The following CNTNAP5 variants were observed in gnomAD, a reference collection of about 807,000 sequenced individuals.
CNTNAP5 encodes the protein contactin-associated protein-like 5.
Under a neutral mutation model 150.2 loss-of-function variants are expected in CNTNAP5, and 72 were observed. That is an observed-to-expected ratio of 0.48 (90% CI 0.40 to 0.58). The LOEUF (loss-of-function observed/expected upper bound fraction) is 0.58, where lower values mean the gene tolerates loss of function less well. CNTNAP5 is among the 20% of genes least tolerant of loss of function. The probability of loss-of-function intolerance (pLI) is 0.00; values close to 1 mark genes in which losing one functional copy is unlikely to be tolerated. For missense variants in CNTNAP5, 1,636 were observed against 1,626.2 expected, an observed-to-expected ratio of 1.01 and a Z score of -0.10; for synonymous variants, 672 against 619.8, an observed-to-expected ratio of 1.08 and a Z score of -1.25.
At chr2:124,822,768 T>A (rs556337043) in intron 19 of CNTNAP5, among the ~76,000 whole-genome samples, 11 of 152,202 alleles carry the variant, frequency 7.2e-5, no homozygotes, top group African/African-American at 2.7e-4. Context: ...TTGGCTTGCA[T>A]GGAAAACTTT....
intron 1 of CNTNAP5, among the ~76,000 whole-genome samples, chr2:124,127,861 AGAAAGCT>A (rs1430987623): frequency 6.6e-6 from 1 of 152,228 alleles, no homozygotes; most frequent in Non-Finnish European, 1.5e-5. Flanking sequence ...AGCCATATGT[AGAAAGCT>A]GAAACTGGAT....
At chr2:124,261,933 G>A (rs1299091482) in intron 3 of CNTNAP5, among the ~76,000 whole-genome samples, 1 of 152,138 alleles carries the variant, frequency 6.6e-6, no homozygotes, top group Non-Finnish European at 1.5e-5. Context: ...GATGATTGTA[G>A]CTACTTATTA....
intron 1 of CNTNAP5, among the ~76,000 whole-genome samples, chr2:124,067,896 TAAC>T (rs2104660602): frequency 6.6e-6 from 1 of 152,292 alleles, no homozygotes; most frequent in South Asian, 2.1e-4. Context: ...TTAATTGAAA[TAAC>T]AGTATTACAT....
At chr2:124,143,866 A>G (rs1360648390) in intron 1 of CNTNAP5, among the ~76,000 whole-genome samples, 1 of 57,144 alleles carries the variant, frequency 1.7e-5, no homozygotes, top group East Asian at 7.2e-4. Context: ...CTGTTTGCAG[A>G]TGACATGATT....
intron 13 of CNTNAP5, among the ~76,000 whole-genome samples, chr2:124,727,828 G>T (rs1337937475): frequency 6.6e-6 from 1 of 151,816 alleles, no homozygotes; most frequent in Non-Finnish European, 1.5e-5. Flanking sequence ...CTCTGGCCAG[G>T]ACTTTAAGTA....
intron 19 of CNTNAP5, 43 bp downstream of exon 19, chr2:124,798,363 C>A: frequency 7.0e-7 from 1 of 1,421,428 alleles, no homozygotes; most frequent in South Asian, 1.2e-5. Flanking sequence ...TCAGCCTGGG[C>A]TGGAGGGACG....
At chr2:124,639,226 GT>G (rs1399780469) in intron 12 of CNTNAP5, among the ~76,000 whole-genome samples, 1 of 152,192 alleles carries the variant, frequency 6.6e-6, no homozygotes, top group Non-Finnish European at 1.5e-5. Context: ...GTAATACCAT[GT>G]AAATGCGACG....
chr2:124,650,790 G>A (rs1290266179), intron 13 of CNTNAP5, among the ~76,000 whole-genome samples: 4 of 152,082 alleles, frequency 2.6e-5, no homozygotes, highest in Non-Finnish European at 4.4e-5. Context: ...TAACTATAGA[G>A]TATTTTATTA....
intron 12 of CNTNAP5, among the ~76,000 whole-genome samples, chr2:124,618,861 G>A (rs747945367): frequency 1.3e-5 from 2 of 152,112 alleles, no homozygotes; most frequent in African/African-American, 2.4e-5. Context: ...TAAATGAAGC[G>A]TAGACTTGTT....
intron 4 of CNTNAP5, among the ~76,000 whole-genome samples, chr2:124,426,738 C>T (rs1692246958): frequency 6.6e-6 from 1 of 152,176 alleles, no homozygotes; most frequent in Admixed American, 6.5e-5. Flanking sequence ...TGTTGACAAG[C>T]TACCAACATC....
intron 11 of CNTNAP5, among the ~76,000 whole-genome samples, chr2:124,602,350 A>AC (rs1697006073): frequency 6.6e-6 from 1 of 151,492 alleles, no homozygotes; most frequent in Non-Finnish European, 1.5e-5. Context: ...AAAAAAAAAA[A>AC]AAAAAAAAAA....
At chr2:124,233,358 A>T (rs1456179361) in intron 2 of CNTNAP5, among the ~76,000 whole-genome samples, 3 of 152,108 alleles carry the variant, frequency 2.0e-5, no homozygotes, top group African/African-American at 7.2e-5. Context: ...ACACCAACCT[A>T]CTAAATTAGA....
At chr2:124,353,331 A>G (rs1426129074) in intron 3 of CNTNAP5, among the ~76,000 whole-genome samples, 1 of 151,310 alleles carries the variant, frequency 6.6e-6, no homozygotes, top group Non-Finnish European at 1.5e-5. Context: ...TTACAGCACC[A>G]TAAGAAGAGA....
At chr2:124,150,002 G>A (rs1302369632) in intron 1 of CNTNAP5, among the ~76,000 whole-genome samples, 1 of 152,096 alleles carries the variant, frequency 6.6e-6, no homozygotes, top group East Asian at 1.9e-4. Context: ...TCTGTCTCTT[G>A]TACCCTCTCT....
intron 12 of CNTNAP5, among the ~76,000 whole-genome samples, chr2:124,619,463 C>T (rs530594426): frequency 1.6e-4 from 25 of 152,174 alleles, no homozygotes; most frequent in African/African-American, 4.3e-4. Context: ...TGAGGTGGGG[C>T]GATCTGCCCT....
intron 10 of CNTNAP5, among the ~76,000 whole-genome samples, chr2:124,543,770 G>A (rs1455148244): frequency 6.6e-6 from 1 of 152,102 alleles, no homozygotes; most frequent in African/African-American, 2.4e-5. Context: ...ATCGTCAAAT[G>A]TAGAGAGTTG....
At chr2:124,320,210 G>C (rs1009393482) in intron 3 of CNTNAP5, among the ~76,000 whole-genome samples, 3 of 152,140 alleles carry the variant, frequency 2.0e-5, no homozygotes, top group Non-Finnish European at 4.4e-5. Context: ...TTTCTACACT[G>C]TTAAGCATGT....
At chr2:124,783,973 G>T (rs1446987451) in intron 17 of CNTNAP5, among the ~76,000 whole-genome samples, 4 of 152,130 alleles carry the variant, frequency 2.6e-5, no homozygotes, top group Admixed American at 1.3e-4. Flanking sequence ...GGAGAACCAG[G>T]ACTTAAAGAA....
intron 3 of CNTNAP5, among the ~76,000 whole-genome samples, chr2:124,323,152 CA>C (rs1461490982): frequency 6.6e-6 from 1 of 152,162 alleles, no homozygotes. Flanking sequence ...ATGTGCAAGG[CA>C]TACAGGAGAC....
Sources: allele counts gnomAD v4.1 joint callset (sites outside exome capture counted in the v4.1 genomes callset), GRCh38; gene constraint gnomAD v4.1.1; transcripts MANE v1.5; gene names NCBI Gene and HGNC (gene_info 2026-07-23, HGNC 2026-07-21).